Variants in SGMS2 observed in about 807,000 individuals in gnomAD.
SGMS2 encodes the protein phosphatidylcholine:ceramide cholinephosphotransferase 2.
Under a neutral mutation model 43.8 loss-of-function variants are expected in SGMS2, and 21 were observed. The observed-to-expected ratio is 0.48, with a 90% CI of 0.34 to 0.69. The LOEUF is 0.69. SGMS2 is among the 30% of genes least tolerant of loss of function. The pLI, the probability that SGMS2 is intolerant of heterozygous loss-of-function variation, is 0.01. For missense variants in SGMS2, 384 were observed against 443.2 expected (o/e 0.87, Z 1.20); for synonymous variants, 167 against 160.6 (o/e 1.04, Z -0.30).
At chr4:107,858,793 G>A (rs1002472264) in intron 2 of SGMS2, among the ~76,000 whole-genome samples, 2 of 152,090 alleles carry the variant, frequency 1.3e-5, no homozygotes, top group Non-Finnish European at 2.9e-5. Context: ...ATGTTTTCTC[G>A]GTCTTGGATT....
chr4:107,898,736 C>T (rs2126129187), intron 3 of SGMS2, among the ~76,000 whole-genome samples: 1 of 152,292 alleles, frequency 6.6e-6, no homozygotes, highest in African/African-American at 2.4e-5. Context: ...AGAGCCCTTC[C>T]CTTTTGAAGA....
intron 1 of SGMS2, among the ~76,000 whole-genome samples, chr4:107,848,430 A>G (rs1338407378): frequency 6.6e-6 from 1 of 152,186 alleles, no homozygotes; most frequent in East Asian, 1.9e-4. Flanking sequence ...TTGAGTAAAT[A>G]CCAAGGAGAA....
In SGMS2 at chr4:107,914,216, G is replaced by C. The variant is rs956185527; in HGVS notation, c.*3663G>C. 4.1e-4 allele frequency: 62 copies of C among 151,948 alleles called. No individual in the cohort carries two copies. The highest frequency in any genetic ancestry group is 1.4e-3 in the African/African-American group (60 of 41,394). 9.4% of individuals were successfully genotyped at this position (151,948 alleles called of 1,614,324 possible). A position where few individuals can be genotyped will look rare whatever the true frequency, so the allele number is the denominator to read the frequency against. ...CCCAAACACTGAAAATCATGTCAAT[G>C]TTACCCAAAGATAAGTTTTTATACA... On this transcript the variant is annotated 3_prime_UTR_variant, in exon 7 of 7. Coordinates refer to ENST00000690982, the MANE Select transcript of SGMS2 (RefSeq NM_001375905.1).
chr4:107,888,300 TACAA>T (rs1186838017), intron 2 of SGMS2, among the ~76,000 whole-genome samples: 4 of 152,096 alleles, frequency 2.6e-5, no homozygotes, highest in Non-Finnish European at 5.9e-5. Flanking sequence ...TAAAAGCACA[TACAA>T]AGAGATACAT....
intron 1 of SGMS2, among the ~76,000 whole-genome samples, chr4:107,840,350 G>T (rs1726429714): frequency 6.6e-6 from 1 of 152,142 alleles, no homozygotes; most frequent in Non-Finnish European, 1.5e-5. Context: ...GCTGTTTTTG[G>T]GTGGTCAGTG....
chr4:107,907,225 T>G (rs919640966), intron 5 of SGMS2: 2 of 152,250 alleles, frequency 1.3e-5, no homozygotes, highest in African/African-American at 2.4e-5. Context: ...AGGTTTATTT[T>G]CTTACTGTGT....
chr4:107,870,762 C>G (rs1280464544), intron 2 of SGMS2, among the ~76,000 whole-genome samples: 1 of 152,050 alleles, frequency 6.6e-6, no homozygotes, highest in Non-Finnish European at 1.5e-5. Context: ...ATTTTCTAGG[C>G]TGCTTCTTTG....
chr4:107,888,312 C>A (rs1317539359), intron 2 of SGMS2, among the ~76,000 whole-genome samples: 1 of 152,114 alleles, frequency 6.6e-6, no homozygotes, highest in East Asian at 1.9e-4. Context: ...CAAAGAGATA[C>A]ATGGATGCAA....
At chr4:107,898,554 C>T (rs1202577964) in intron 3 of SGMS2, among the ~76,000 whole-genome samples, 2 of 152,094 alleles carry the variant, frequency 1.3e-5, no homozygotes, top group African/African-American at 4.8e-5. Context: ...TGAAGTTACA[C>T]CTAGCAAGTC....
At chr4:107,843,724 A>G (rs1362702313) in intron 1 of SGMS2, among the ~76,000 whole-genome samples, 1 of 152,204 alleles carries the variant, frequency 6.6e-6, no homozygotes, top group Non-Finnish European at 1.5e-5. Flanking sequence ...AGGTTCCAAG[A>G]AGGCTTGGAT....
In SGMS2 at chr4:107,891,307, TA is replaced by T. The variant is rs1301814157; in HGVS notation, c.-244-3994del. ...GAAACAACAAGAAAAAGAGAAACAA[TA>T]AAAAAAAACAGTTAAGCAAAAAAAA... On this transcript the variant is annotated intron_variant, in intron 2 of 6. Coordinates refer to ENST00000690982, the MANE Select transcript of SGMS2 (RefSeq NM_001375905.1). Among the ~76,000 whole-genome samples, 7 of 110,386 alleles carry T rather than the reference TA, an allele frequency of 6.3e-5. No homozygotes were observed. In the South Asian group the frequency reaches 8.9e-4, roughly 14 times the overall value. 72.4% of individuals were successfully genotyped at this position (110,386 alleles called of 152,430 possible).
At chr4:107,870,475 A>G (rs561178036) in intron 2 of SGMS2, among the ~76,000 whole-genome samples, 1 of 152,328 alleles carries the variant, frequency 6.6e-6, no homozygotes, top group African/African-American at 2.4e-5. Flanking sequence ...GTGTTTTGGT[A>G]CATGAGTTGT....
At chr4:107,904,674 T>A (rs561156829) in intron 5 of SGMS2, among the ~76,000 whole-genome samples, 1 of 152,222 alleles carries the variant, frequency 6.6e-6, no homozygotes, top group African/African-American at 2.4e-5. Flanking sequence ...TCCTTATTTC[T>A]GTTCTCACAC....
chr4:107,854,588 C>T (rs540062649), intron 1 of SGMS2, among the ~76,000 whole-genome samples: 1 of 152,244 alleles, frequency 6.6e-6, no homozygotes, highest in African/African-American at 2.4e-5. Context: ...TATATTTTGG[C>T]CATCTCCTAA....
chr4:107,886,113 T>G (rs1461650075), intron 2 of SGMS2, among the ~76,000 whole-genome samples: 1 of 152,142 alleles, frequency 6.6e-6, no homozygotes, highest in Non-Finnish European at 1.5e-5. Context: ...AAAATGATTC[T>G]AAAGTTCATC....
chr4:107,825,620 C>CTTTTTTTTTTTTTT (rs201101875), intron 1 of SGMS2, among the ~76,000 whole-genome samples: 1 of 116,274 alleles, frequency 8.6e-6, no homozygotes, highest in African/African-American at 3.7e-5. Flanking sequence ...TTTTCTTTCT[C>CTTTTTTTTTTTTTT]TTTTTTTTTT....
intron 2 of SGMS2, among the ~76,000 whole-genome samples, chr4:107,865,517 T>C (rs145476698): frequency 6.6e-6 from 1 of 152,330 alleles, no homozygotes; most frequent in East Asian, 1.9e-4. Context: ...TGGTATTACA[T>C]TATTTCCTAA....
At chr4:107,894,251 C>G (rs1730479045) in intron 2 of SGMS2, 1 of 152,160 alleles carries the variant, frequency 6.6e-6, no homozygotes, top group African/African-American at 2.4e-5. Context: ...TTAAGTTGAG[C>G]AGTGTATCCA....
At chr4:107,831,433 C>T (rs1046081708) in intron 1 of SGMS2, among the ~76,000 whole-genome samples, 2 of 152,144 alleles carry the variant, frequency 1.3e-5, no homozygotes, top group Non-Finnish European at 2.9e-5. Flanking sequence ...ACCTCCATTT[C>T]TTGGCTGTAT....
Sources: allele counts gnomAD v4.1 joint callset (sites outside exome capture counted in the v4.1 genomes callset), GRCh38; gene constraint gnomAD v4.1.1; transcripts MANE v1.5; gene names NCBI Gene and HGNC (gene_info 2026-07-23, HGNC 2026-07-21).